USP37: variants seen among roughly 807,000 people sequenced by gnomAD.
USP37 encodes the protein ubiquitin specific peptidase 37, also known as ubiquitin carboxyl-terminal hydrolase 37.
A neutral mutation model predicts 124.0 loss-of-function variants in USP37; 27 were observed. That is an observed-to-expected ratio of 0.22 (90% CI 0.16 to 0.30). USP37 has a LOEUF of 0.30. Ranked by LOEUF, USP37 falls within the 10% of genes least tolerant of loss-of-function variation. The probability of loss-of-function intolerance (pLI) is 1.00; values close to 1 mark genes in which losing one functional copy is unlikely to be tolerated. For missense variants in USP37, 889 were observed against 1,140.4 expected, an observed-to-expected ratio of 0.78 and a Z score of 3.17; for synonymous variants, 365 against 388.0, an observed-to-expected ratio of 0.94 and a Z score of 0.70.
rs554506535 is a variant in USP37 at position 218,464,139 on chromosome 2, G to A, written c.2467-773C>T. Among the ~76,000 whole-genome samples, 25 of 152,038 alleles carry A rather than the reference G, an allele frequency of 1.6e-4. 1 individual carries two copies. In the South Asian group the frequency reaches 5.2e-3, roughly 32 times the overall value. On this transcript the variant is annotated intron_variant, in intron 21 of 25. Transcript: ENST00000258399. Reference sequence around the variant, plus strand: ...CCCAAAGTGCTGGAATTACAGGCATGAGCCACCATACCCAGCCCATTCCAG... The same window carrying A: ...CCCAAAGTGCTGGAATTACAGGCATAAGCCACCATACCCAGCCCATTCCAG...
chr2:218,476,397 G>C (rs951754082), intron 19 of USP37, among the ~76,000 whole-genome samples: 2 of 151,970 alleles, frequency 1.3e-5, no homozygotes, highest in African/African-American at 4.8e-5. Context: ...CACACAGTAA[G>C]ACCTTGTCTC....
chr2:218,511,603 C>G (rs1446989808), intron 10 of USP37, among the ~76,000 whole-genome samples: 1 of 151,174 alleles, frequency 6.6e-6, no homozygotes, highest in African/African-American at 2.4e-5. Context: ...AGCCACCATG[C>G]CCAGCCTAAT....
chr2:218,532,457 A>G (rs1691380381), intron 9 of USP37, among the ~76,000 whole-genome samples: 2 of 117,198 alleles, frequency 1.7e-5, no homozygotes, highest in South Asian at 6.2e-4. Flanking sequence ...ACAGAGCAAG[A>G]CTCTGTCTCA....
intron 21 of USP37, 123 bp from the exon 22 acceptor site, chr2:218,463,489 T>A: frequency 1.3e-6 from 1 of 769,272 alleles, no homozygotes; most frequent in Non-Finnish European, 2.1e-6. Context: ...CTTATGGATG[T>A]TTGGAATATT....
intron 1 of USP37, among the ~76,000 whole-genome samples, chr2:218,567,171 A>T (rs565211456): frequency 6.6e-6 from 1 of 152,342 alleles, no homozygotes; most frequent in East Asian, 1.9e-4. Context: ...ATTTTACTTC[A>T]TCAAACATCT....
In USP37 at chr2:218,526,122, T is replaced by C. The variant is rs183418539; in HGVS notation, c.863+3834A>G. 1.5e-3 allele frequency among the ~76,000 whole-genome samples: 226 copies of C among 152,386 alleles called. 1 individual carries two copies. The highest frequency in any genetic ancestry group is 2.1e-3 in the Non-Finnish European group (145 of 68,040). ...ATTTAGGTTGATTCCATGTCTTTGC[T>C]ATTGTGAATAGTGCTGCAGTGAACA... On this transcript the variant is annotated intron_variant, in intron 10 of 25. Transcript: ENST00000258399.
At chr2:218,561,744 T>C (rs1180816818) in intron 2 of USP37, among the ~76,000 whole-genome samples, 4 of 152,154 alleles carry the variant, frequency 2.6e-5, no homozygotes, top group African/African-American at 7.2e-5. Context: ...TTGCTTTATA[T>C]CATTCAATAG....
chr2:218,519,845 C>T (rs979062750), intron 10 of USP37, among the ~76,000 whole-genome samples: 2 of 151,552 alleles, frequency 1.3e-5, no homozygotes, highest in African/African-American at 4.9e-5. Flanking sequence ...CCTCATGATC[C>T]ACCCACCTGA....
At chr2:218,533,003 A>G (rs1691420389) in intron 9 of USP37, among the ~76,000 whole-genome samples, 1 of 151,926 alleles carries the variant, frequency 6.6e-6, no homozygotes, top group Non-Finnish European at 1.5e-5. Context: ...ACTCCAGCAT[A>G]GTATAAACAT....
At chr2:218,498,670 T>C (rs537026299) in intron 11 of USP37, among the ~76,000 whole-genome samples, 25 of 152,252 alleles carry the variant, frequency 1.6e-4, no homozygotes, top group Admixed American at 6.5e-4. Flanking sequence ...GAGGTTGCAG[T>C]GAGCCAAGAT....
At chr2:218,458,920 A>C (rs973346374) in intron 23 of USP37, among the ~76,000 whole-genome samples, 15 of 152,162 alleles carry the variant, frequency 9.9e-5, no homozygotes, top group African/African-American at 3.6e-4. Flanking sequence ...AAAGCAAATG[A>C]AATAAAAACT....
rs543569179 is a variant in USP37 at position 218,530,898 on chromosome 2, C to G, written c.779-858G>C. ...GCCTAATCCAGGGTAAAGGTCTAGT[C>G]TAACTCTCTTCAATTCTATAAAGGC... On this transcript the variant is annotated intron_variant, in intron 9 of 25. Transcript: ENST00000258399. Among the ~76,000 whole-genome samples, 6 of 152,244 alleles carry G rather than the reference C, an allele frequency of 3.9e-5. No homozygotes were observed. The East Asian group carries it at 1.2e-3, about 29-fold the overall frequency.
intron 1 of USP37, among the ~76,000 whole-genome samples, chr2:218,564,066 G>A (rs920229295): frequency 1.2e-4 from 18 of 151,998 alleles, no homozygotes; most frequent in South Asian, 6.2e-4. Context: ...GCAAGACTCC[G>A]TCTCAAAAGA....
chr2:218,524,492 C>T (rs951471227), intron 10 of USP37, among the ~76,000 whole-genome samples: 4 of 152,216 alleles, frequency 2.6e-5, no homozygotes, highest in Non-Finnish European at 5.9e-5. Context: ...ATCTTCTCCA[C>T]TCCTGTATTT....
At chr2:218,551,375 A>T (rs1692656977) in intron 5 of USP37, among the ~76,000 whole-genome samples, 1 of 152,248 alleles carries the variant, frequency 6.6e-6, no homozygotes, top group Non-Finnish European at 1.5e-5. Flanking sequence ...TAATAACGCC[A>T]ATGACTTACT....
chr2:218,505,361 ATTGT>A lies in USP37; in HGVS notation c.1025+4614_1025+4617del, dbSNP rs1357164918. Among the ~76,000 whole-genome samples, 9 of 151,984 alleles carry A rather than the reference ATTGT, an allele frequency of 5.9e-5. No individual in the cohort carries two copies. In the East Asian group the frequency reaches 1.7e-3, roughly 29 times the overall value. On this transcript the variant is annotated intron_variant, in intron 11 of 25. Transcript: ENST00000258399. ...CCATTCTTTTATATGTATTCTCACC[ATTGT>A]TTGTCTTAGTTCTATAACTGAATAT...
rs1689158010 is a variant in USP37, at chr2:218,497,792, T to C, written c.1223A>G (p.Lys408Arg). 6.2e-7 allele frequency: 1 copy of C among 1,614,080 alleles called. No individual in the cohort carries two copies. The highest frequency in any genetic ancestry group is 1.7e-5 in the Admixed American group (1 of 60,010). Residue 408 changes from lysine to arginine, a missense_variant, in exon 13 of 26, where the codon AAG becomes AGG. Lys to Arg is a conservative substitution (Grantham distance 26). Coordinates refer to ENST00000258399, the MANE Select transcript of USP37 (RefSeq NM_020935.3). ...CNSETKKDLLKKVKNAISATA... is the reference protein window; with the variant it reads ...CNSETKKDLLRKVKNAISATA... ...AGCTGAAATGGCATTTTTAACCTTC[T>C]TGAGTAAATCCTTTTTGGTCTCTGA...
intron 11 of USP37, among the ~76,000 whole-genome samples, chr2:218,501,985 G>A (rs1024228112): frequency 6.6e-6 from 1 of 152,144 alleles, no homozygotes; most frequent in African/African-American, 2.4e-5. Flanking sequence ...AGAGTAGAGA[G>A]ACCTAGATGA....
At chr2:218,520,363 T>TTTC (rs1690537666) in intron 10 of USP37, among the ~76,000 whole-genome samples, 1 of 149,996 alleles carries the variant, frequency 6.7e-6, no homozygotes, top group Non-Finnish European at 1.5e-5. Context: ...TTTTTTTTTT[T>TTTC]CCAGAGACAG....
Sources: gnomAD v4.1 joint callset for allele counts (sites outside exome capture counted in the v4.1 genomes callset) on GRCh38, gnomAD v4.1.1 for gene constraint, MANE v1.5 for transcripts, NCBI Gene and HGNC (gene_info 2026-07-23, HGNC 2026-07-21) for gene names.